Variants in SLC34A2 observed in about 807,000 individuals in gnomAD.
The protein encoded by SLC34A2 is sodium-dependent phosphate transport protein 2B.
In SLC34A2, 41 loss-of-function variants were observed where a neutral mutation model predicts 50.8. The observed-to-expected ratio is 0.81, with a 90% CI of 0.63 to 1.05. The LOEUF (loss-of-function observed/expected upper bound fraction) is 1.05. Ranked by LOEUF, SLC34A2 falls within the 50% of genes least tolerant of loss-of-function variation. The pLI is 0.00. For missense variants in SLC34A2, 879 were observed against 876.7 expected (o/e 1.00, Z -0.03); for synonymous variants, 401 against 364.2 (o/e 1.10, Z -1.15).
In SLC34A2 at chr4:25,665,461, C is replaced by G. The variant is rs185022339; in HGVS notation, c.380-667C>G. 1.4e-3 allele frequency among the ~76,000 whole-genome samples: 211 copies of G among 152,250 alleles called. 1 individual carries two copies. Among genetic ancestry groups the G allele is most frequent in the South Asian group, 5.4e-3 (26 of 4,818 alleles). On this transcript the variant is annotated intron_variant, in intron 4 of 12. Transcript: ENST00000382051. Reference sequence around the variant, plus strand: ...GGGATTACAGGTGTGAGCCACCGTGCCTGGCCTCCTGAACATTGCTTCTGG... The same window carrying G: ...GGGATTACAGGTGTGAGCCACCGTGGCTGGCCTCCTGAACATTGCTTCTGG...
In SLC34A2 at chr4:25,676,187, C is replaced by G. The variant is rs780800769; in HGVS notation, c.1511C>G (p.Pro504Arg). ...ATCTCCGGCATCTTGCTGTGGTACC[C>G]GATCCCGTTCACTCGCCTGCCCATC... The part of the protein sequence containing the change: ...FNISGILLWY[P>R]IPFTRLPIRM... Residue 504 changes from proline to arginine, a missense_variant, in exon 13 of 13, where the codon CCG (proline) becomes CGG (arginine). Physicochemically the swap from Pro to Arg is moderately radical, Grantham distance 103. Transcript: ENST00000382051. 1.9e-6 allele frequency: 3 copies of G among 1,614,160 alleles called. No homozygotes were observed. Among genetic ancestry groups the G allele is most frequent in the East Asian group, 2.2e-5 (1 of 44,876 alleles).
chr4:25,665,544 A>G (rs1714451424), intron 4 of SLC34A2, among the ~76,000 whole-genome samples: 1 of 152,094 alleles, frequency 6.6e-6, no homozygotes, highest in Non-Finnish European at 1.5e-5. Context: ...ATCTCAGACA[A>G]ATCACCTGCA....
At chr4:25,657,560 C>T (rs1209432640) in intron 1 of SLC34A2, among the ~76,000 whole-genome samples, 1 of 152,156 alleles carries the variant, frequency 6.6e-6, no homozygotes, top group Non-Finnish European at 1.5e-5. Context: ...AAGTTATTTA[C>T]AGGATTTATT....
chr4:25,662,708 A>C lies in SLC34A2; in HGVS notation c.116A>C (p.Asp39Ala), dbSNP rs1346138984. 2.5e-6 allele frequency: 4 copies of C among 1,613,982 alleles called. No homozygotes were observed. In the African/African-American group the frequency reaches 5.3e-5, roughly 22 times the overall value. Reference sequence around the variant, plus strand: ...TTACCCCTTTTGCTTGTTTCAGCAGATAACACTGAGGCACCTGTAACCAAG... The same window carrying C: ...TTACCCCTTTTGCTTGTTTCAGCAGCTAACACTGAGGCACCTGTAACCAAG... ...PDKSKETNKT[D>A]NTEAPVTKIE... The change falls in exon 3 of 13, where the codon GAT becomes GCT. Residue 39 changes from aspartate to alanine, a missense_variant. Physicochemically the swap from Asp to Ala is moderately radical, Grantham distance 126 (BLOSUM62 -2). Coordinates refer to ENST00000382051, the MANE Select transcript of SLC34A2 (RefSeq NM_006424.3).
Position 25,676,638 on chromosome 4 carries a change from G to T in SLC34A2, c.1962G>T (p.Gly654=). Reference sequence around the variant, plus strand: ...AGGACTTGGAGGAGGCGCAGGAGGGGCAGGATGTCCCTGTCAAGGCTCCTG... The same window carrying T: ...AGGACTTGGAGGAGGCGCAGGAGGGTCAGGATGTCCCTGTCAAGGCTCCTG... ...CCEDLEEAQE[G]QDVPVKAPET... The change falls in exon 13 of 13, where the codon GGG becomes GGT. Residue 654 remains glycine (G), a synonymous_variant. Transcript: ENST00000382051. The T allele has an allele frequency of 6.2e-7, 1 of 1,614,154 alleles. No homozygotes were observed.
intron 1 of SLC34A2, among the ~76,000 whole-genome samples, chr4:25,657,047 ATCT>A (rs1314094606): frequency 1.3e-5 from 2 of 152,156 alleles, no homozygotes; most frequent in African/African-American, 2.4e-5. Context: ...GCTGATCATG[ATCT>A]TCTCTGCTTT....
chr4:25,662,256 G>C (rs1387171138), intron 1 of SLC34A2, among the ~76,000 whole-genome samples: 1 of 152,216 alleles, frequency 6.6e-6, no homozygotes, highest in Non-Finnish European at 1.5e-5. Flanking sequence ...ACTCAACACT[G>C]TACGAGGTAG....
Position 25,674,486 on chromosome 4 carries a change from T to C in SLC34A2, c.1334-19T>C. 1.2e-6 allele frequency: 2 copies of C among 1,614,198 alleles called. No individual in the cohort carries two copies. Among genetic ancestry groups the C allele is most frequent in the Non-Finnish European group, 1.7e-6 (2 of 1,180,040 alleles). On this transcript the variant is annotated intron_variant, in intron 11 of 12. Transcript: ENST00000382051. ...TCATCCCATGGGGCTGATATGTTTGTGTTTTGTGTTTCCCCCAGGAATCGG... is the reference window on the plus strand; with the variant it reads ...TCATCCCATGGGGCTGATATGTTTGCGTTTTGTGTTTCCCCCAGGAATCGG...
chr4:25,669,339 A>T (rs1400572430), intron 6 of SLC34A2, among the ~76,000 whole-genome samples: 1 of 152,210 alleles, frequency 6.6e-6, no homozygotes, highest in Non-Finnish European at 1.5e-5. Context: ...TTCCAAAAGA[A>T]GGTAGCCTTC....
At chr4:25,664,407 A>T in intron 4 of SLC34A2, 77 bp downstream of exon 4, 1 of 1,504,464 alleles carries the variant, frequency 6.6e-7, no homozygotes, top group Non-Finnish European at 9.2e-7. Context: ...AAACTCAGCA[A>T]GCCCTCTCCA....
At chr4:25,675,929 T>C (rs1301480467) in intron 12 of SLC34A2, among the ~76,000 whole-genome samples, 3 of 152,234 alleles carry the variant, frequency 2.0e-5, no homozygotes. Flanking sequence ...TAATGCACAG[T>C]TGAGTGCTCC....
chr4:25,664,190 AC>A lies in SLC34A2; in HGVS notation c.251-6del. 3 of 1,174,226 alleles carry A rather than the reference AC, an allele frequency of 2.6e-6. No individual in the cohort carries two copies. Among genetic ancestry groups the A allele is most frequent in the Non-Finnish European group, 3.6e-6 (3 of 837,088 alleles). 72.7% of individuals were successfully genotyped at this position (1,174,226 alleles called of 1,614,324 possible). ...GCCTTTCTCTCTCTCCCCCCATCCC[AC>A]CCCCCTGCAGAGAGAGACACCAAAG... On this transcript the variant is annotated splice_polypyrimidine_tract_variant and intron_variant, in intron 3 of 12. Transcript: ENST00000382051.
At chr4:25,662,971 C>T in intron 3 of SLC34A2, 129 bp downstream of exon 3, 1 of 1,082,042 alleles carries the variant, frequency 9.2e-7, no homozygotes. Context: ...CTAGGGATGT[C>T]ACCCTCTCAT....
chr4:25,662,650 G>C, intron 2 of SLC34A2, 38 bp downstream of exon 2: 1 of 1,614,046 alleles, frequency 6.2e-7, no homozygotes, highest in East Asian at 2.2e-5. Flanking sequence ...CGGCCTTTGT[G>C]AGGACCCCAG....
intron 3 of SLC34A2, 137 bp downstream of exon 3, chr4:25,662,979 C>T (rs1166212764): frequency 2.0e-6 from 2 of 1,025,044 alleles, no homozygotes; most frequent in Non-Finnish European, 2.8e-6. Flanking sequence ...GTCACCCTCT[C>T]ATCTTTTTTT....
intron 6 of SLC34A2, among the ~76,000 whole-genome samples, chr4:25,668,471 A>G (rs756414105): frequency 3.9e-5 from 6 of 152,036 alleles, no homozygotes; most frequent in African/African-American, 1.2e-4. Context: ...GTGAAACCCC[A>G]TCTCTTCTAA....
chr4:25,657,984 C>T (rs1713979212), intron 1 of SLC34A2, among the ~76,000 whole-genome samples: 1 of 152,148 alleles, frequency 6.6e-6, no homozygotes, highest in African/African-American at 2.4e-5. Context: ...AGCACAGAGT[C>T]ATTCTTTCAA....
chr4:25,660,938 C>T (rs1714148490), intron 1 of SLC34A2, among the ~76,000 whole-genome samples: 1 of 152,150 alleles, frequency 6.6e-6, no homozygotes, highest in Admixed American at 6.5e-5. Context: ...GTCTAATGGA[C>T]AAGGACTAAT....
At chr4:25,669,960 C>A in intron 7 of SLC34A2, 118 bp downstream of exon 7, 1 of 964,846 alleles carries the variant, frequency 1.0e-6, no homozygotes, top group Non-Finnish European at 1.6e-6. Context: ...TGGTGGCTCA[C>A]CCTTGTTTTC....
Sources: allele counts gnomAD v4.1 joint callset (sites outside exome capture counted in the v4.1 genomes callset), GRCh38; gene constraint gnomAD v4.1.1; transcripts MANE v1.5; gene names NCBI Gene and HGNC (gene_info 2026-07-23, HGNC 2026-07-21).